The following DYM variants were observed in gnomAD, a reference collection of about 807,000 sequenced individuals.
DYM encodes the protein dyggve-Melchior-Clausen syndrome protein.
Under a neutral mutation model 93.1 loss-of-function variants are expected in DYM, and 78 were observed. That is an observed-to-expected ratio of 0.84 (90% CI 0.70 to 1.01). The LOEUF is 1.01. Among genes scored for constraint, DYM ranks in the 50% least tolerant of loss-of-function variants. The pLI is 0.00. For missense variants in DYM, 789 were observed against 845.0 expected (o/e 0.93, Z 0.82); for synonymous variants, 321 against 319.7 (o/e 1.00, Z -0.04).
chr18:49,331,243 C>A (rs1314843795), intron 8 of DYM, among the ~76,000 whole-genome samples: 1 of 152,166 alleles, frequency 6.6e-6, no homozygotes, highest in Non-Finnish European at 1.5e-5. Context: ...TGACCCAGGC[C>A]CTCCACCAGA....
intron 3 of DYM, among the ~76,000 whole-genome samples, chr18:49,385,784 T>C (rs2068552406): frequency 1.3e-5 from 2 of 151,202 alleles, no homozygotes; most frequent in South Asian, 4.2e-4. Flanking sequence ...CTAACAAAAA[T>C]AATGGCCAGT....
intron 8 of DYM, among the ~76,000 whole-genome samples, chr18:49,301,636 T>C (rs1044978945): frequency 6.6e-6 from 1 of 152,170 alleles, no homozygotes; most frequent in African/African-American, 2.4e-5. Flanking sequence ...AAAGTATTTA[T>C]GAAATTGAAA....
intron 8 of DYM, among the ~76,000 whole-genome samples, chr18:49,315,551 C>G (rs2061874458): frequency 6.6e-6 from 1 of 152,188 alleles, no homozygotes; most frequent in Admixed American, 6.5e-5. Flanking sequence ...AAACTATCAA[C>G]ATTTATGGTC....
At position 49,097,416 on chromosome 18, in the gene DYM, T is replaced by A. The variant is rs1362011135; in HGVS notation, c.2011A>T (p.Lys671Ter). The stretch of plus-strand genomic sequence containing the variant: ...AGCCTTCTTACCTTCAGTCTGTCTT[T>A]GGGCAGCGCAACGACGCCTTGCTTA... ...IIKQGVVALPKDRLKKFPELK... is the reference protein window; with the variant it reads ...IIKQGVVALP The change falls in exon 17 of 18, where the codon AAA (lysine) becomes TAA (stop). Residue 671 changes from lysine to a stop codon, truncating the protein, a stop_gained. Coordinates refer to ENST00000675505, the MANE Select transcript of DYM (RefSeq NM_001353214.3). LOFTEE classifies it high-confidence loss of function. 6.2e-7 allele frequency: 1 copy of A among 1,613,866 alleles called. No individual in the cohort carries two copies. The highest frequency in any genetic ancestry group is 8.5e-7 in the Non-Finnish European group (1 of 1,179,904).
At chr18:49,424,582 A>C (rs1479328873) in intron 2 of DYM, among the ~76,000 whole-genome samples, 2 of 152,054 alleles carry the variant, frequency 1.3e-5, no homozygotes, top group African/African-American at 4.8e-5. Context: ...AAGGATATTC[A>C]ATTAGGAAAA....
chr18:49,121,675 A>C (rs570361020), intron 15 of DYM, among the ~76,000 whole-genome samples: 11 of 152,288 alleles, frequency 7.2e-5, no homozygotes, highest in East Asian at 1.9e-4. Flanking sequence ...TAAAACCAAA[A>C]CAAAACAAAA....
At chr18:49,144,121 T>C (rs2084826461) in intron 15 of DYM, among the ~76,000 whole-genome samples, 1 of 152,192 alleles carries the variant, frequency 6.6e-6, no homozygotes, top group African/African-American at 2.4e-5. Flanking sequence ...TATGGTGTAA[T>C]TGGTCTTCAT....
chr18:49,093,638 C>A (rs1440955837), intron 17 of DYM, among the ~76,000 whole-genome samples: 2 of 152,070 alleles, frequency 1.3e-5, no homozygotes, highest in African/African-American at 2.4e-5. Context: ...TTCATATTTC[C>A]ACAGGTAGAG....
intron 1 of DYM, among the ~76,000 whole-genome samples, chr18:49,447,982 A>C (rs2082237876): frequency 6.6e-6 from 1 of 152,084 alleles, no homozygotes; most frequent in Non-Finnish European, 1.5e-5. Context: ...CTTGGTCTAG[A>C]GAGTATGTGG....
chr18:49,046,482 G>GAC (rs919728521), intron 17 of DYM, among the ~76,000 whole-genome samples: 1 of 146,512 alleles, frequency 6.8e-6, no homozygotes, highest in African/African-American at 2.6e-5. Context: ...CACACACACA[G>GAC]ACACACACAC....
At chr18:49,402,046 A>G (rs917126099) in intron 2 of DYM, among the ~76,000 whole-genome samples, 1 of 151,996 alleles carries the variant, frequency 6.6e-6, no homozygotes, top group African/African-American at 2.4e-5. Flanking sequence ...AAAAAAGAAA[A>G]AAGAAAATGT....
intron 2 of DYM, among the ~76,000 whole-genome samples, chr18:49,392,681 TAAAAAAAAAAAAA>T (rs869086187): frequency 1.0e-4 from 7 of 68,502 alleles, no homozygotes; most frequent in South Asian, 6.9e-4. Flanking sequence ...GGCTTTTATT[TAAAAAAAAAAAAA>T]AAAAAAAAAA....
At chr18:49,336,355 G>C (rs1350200836) in intron 6 of DYM, among the ~76,000 whole-genome samples, 1 of 152,148 alleles carries the variant, frequency 6.6e-6, no homozygotes, top group African/African-American at 2.4e-5. Flanking sequence ...ACAATCAGAA[G>C]TGAGAGAACA....
At chr18:49,246,185 A>G (rs946637609) in intron 13 of DYM, among the ~76,000 whole-genome samples, 8 of 152,134 alleles carry the variant, frequency 5.3e-5, no homozygotes, top group Non-Finnish European at 1.0e-4. Flanking sequence ...GCTTTTCCAA[A>G]CTATCCTTGT....
intron 11 of DYM, among the ~76,000 whole-genome samples, chr18:49,269,142 C>G (rs1394997345): frequency 6.6e-6 from 1 of 151,942 alleles, no homozygotes; most frequent in Non-Finnish European, 1.5e-5. Context: ...GGGCAAAGGA[C>G]CTGAATAGAC....
At chr18:49,103,162 G>C (rs1568424665) in intron 16 of DYM, among the ~76,000 whole-genome samples, 1 of 152,234 alleles carries the variant, frequency 6.6e-6, no homozygotes, top group East Asian at 1.9e-4. Context: ...TTCTCTGATG[G>C]CCAGTGATGA....
At chr18:49,428,357 T>A (rs2074494198) in intron 2 of DYM, among the ~76,000 whole-genome samples, 1 of 152,004 alleles carries the variant, frequency 6.6e-6, no homozygotes, top group Admixed American at 6.6e-5. Flanking sequence ...TTCATTTACA[T>A]GAAACGTCTA....
At chr18:49,048,953 T>G (rs954380346) in intron 17 of DYM, among the ~76,000 whole-genome samples, 14 of 152,224 alleles carry the variant, frequency 9.2e-5, no homozygotes. Flanking sequence ...GAAAGTACAC[T>G]CTTTGGCTGG....
intron 17 of DYM, among the ~76,000 whole-genome samples, chr18:49,047,104 C>T (rs1003982355): frequency 2.0e-5 from 3 of 152,164 alleles, no homozygotes; most frequent in African/African-American, 7.2e-5. Flanking sequence ...AACTTCAACA[C>T]ACAGCCCCCA....
Sources: gnomAD v4.1 joint callset for allele counts (sites outside exome capture counted in the v4.1 genomes callset) on GRCh38, gnomAD v4.1.1 for gene constraint, MANE v1.5 for transcripts, NCBI Gene and HGNC (gene_info 2026-07-23, HGNC 2026-07-21) for gene names.